The following CFAP47 variants were observed in gnomAD, a reference collection of about 807,000 sequenced individuals.
The protein encoded by CFAP47 is cilia- and flagella-associated protein 47.
Under a neutral mutation model 148.1 loss-of-function variants are expected in CFAP47, and 29 were observed. That is an observed-to-expected ratio of 0.20 (90% CI 0.15 to 0.27). CFAP47 has a LOEUF of 0.27. Among genes scored for constraint, CFAP47 ranks in the 10% least tolerant of loss-of-function variants. The probability of loss-of-function intolerance (pLI) is 1.00; values close to 1 mark genes in which losing one functional copy is unlikely to be tolerated. For missense variants in CFAP47, 1,872 were observed against 1,697.5 expected, an observed-to-expected ratio of 1.10 and a Z score of -1.81; for synonymous variants, 664 against 577.3, an observed-to-expected ratio of 1.15 and a Z score of -2.15.
At chrX:36,120,753 A>T (rs867418735) in intron 33 of CFAP47, among the ~76,000 whole-genome samples, 7 of 105,936 alleles carry the variant, frequency 6.6e-5, no homozygotes, top group Non-Finnish European at 1.3e-4. Context: ...TTTTTTTTTT[A>T]AAGTTTGAAG....
At chrX:36,218,724 T>G (rs1478001707) in intron 45 of CFAP47, among the ~76,000 whole-genome samples, 1 of 111,632 alleles carries the variant, frequency 9.0e-6, no homozygotes, top group African/African-American at 3.3e-5. Flanking sequence ...CGAGTTACAG[T>G]TTGGTTTTAT....
intron 39 of CFAP47, among the ~76,000 whole-genome samples, chrX:36,171,274 T>G (rs1471585372): frequency 2.1e-4 from 23 of 109,105 alleles, no homozygotes; most frequent in Admixed American, 3.9e-4. Flanking sequence ...GGTAGTTTCT[T>G]TTGCTGTGCA....
chrX:36,383,029 A>G (rs1335269978), intron 63 of CFAP47, among the ~76,000 whole-genome samples: 1 of 111,316 alleles, frequency 9.0e-6, no homozygotes, highest in African/African-American at 3.3e-5. Flanking sequence ...TAAAACAACT[A>G]TAATGTTCAA....
intron 39 of CFAP47, among the ~76,000 whole-genome samples, chrX:36,176,221 A>G (rs901249707): frequency 6.3e-5 from 7 of 110,245 alleles, no homozygotes; most frequent in Non-Finnish European, 1.3e-4. Flanking sequence ...AGTGAGATGA[A>G]CCCCGTACCT....
chrX:35,953,336 C>T (rs1275606459), intron 6 of CFAP47, among the ~76,000 whole-genome samples: 1 of 111,770 alleles, frequency 8.9e-6, no homozygotes, highest in African/African-American at 3.2e-5. Flanking sequence ...ACCTTGATGA[C>T]TTGGTATATT....
At chrX:36,022,505 A>G (rs987795098) in intron 22 of CFAP47, among the ~76,000 whole-genome samples, 2 of 110,535 alleles carry the variant, frequency 1.8e-5, no homozygotes, top group Non-Finnish European at 3.8e-5. Context: ...GGATATCTAT[A>G]TATCTTTCTC....
rs1414709359 is a variant in CFAP47, at chrX:36,252,037, T to G, written c.7444+593T>G. ...GTGATAGAAGAGTAATAGCTAGTAC[T>G]GAGTGATTATGATTCATCAAAGGAA... On this transcript the variant is annotated intron_variant, in intron 49 of 63. Coordinates refer to ENST00000378653, the MANE Select transcript of CFAP47 (RefSeq NM_001304548.2). Among the ~76,000 whole-genome samples, 4 of 111,016 alleles carry G rather than the reference T, an allele frequency of 3.6e-5. No individual in the cohort carries two copies. The Admixed American group carries it at 3.9e-4, about 11-fold the overall frequency.
chrX:36,169,971 A>G (rs954847788), intron 39 of CFAP47, among the ~76,000 whole-genome samples: 3 of 111,947 alleles, frequency 2.7e-5, no homozygotes, highest in African/African-American at 9.7e-5. Flanking sequence ...AGTGCTCAGG[A>G]ATAAGATTTT....
At chrX:36,371,598 T>A (rs144233427) in intron 62 of CFAP47, among the ~76,000 whole-genome samples, 2,695 of 92,458 alleles carry the variant, frequency 0.029, 112 homozygotes, top group Middle Eastern at 0.052. Context: ...TATACATGTG[T>A]GTATATATGT....
chrX:36,288,164 A>G (rs782411136), intron 51 of CFAP47, among the ~76,000 whole-genome samples: 1 of 112,125 alleles, frequency 8.9e-6, no homozygotes, highest in East Asian at 2.8e-4. Flanking sequence ...AATAGGGTTC[A>G]TGTAAGAAAT....
rs1284545999 is a variant in CFAP47, at chrX:35,993,800, A to G, written c.3099+479A>G. 3.6e-5 allele frequency among the ~76,000 whole-genome samples: 4 copies of G among 111,305 alleles called. No homozygotes were observed. In the East Asian group the frequency reaches 1.1e-3, roughly 31 times the overall value. On this transcript the variant is annotated intron_variant, in intron 18 of 63. Transcript: ENST00000378653. ...CAGAGAAGAGGGTTGCTTTTTTCAA[A>G]GCATTAGTTAGGTAGATTAGGAAAA...
intron 23 of CFAP47, among the ~76,000 whole-genome samples, chrX:36,034,811 T>G (rs755895643): frequency 9.0e-6 from 1 of 111,068 alleles, no homozygotes; most frequent in Non-Finnish European, 1.9e-5. Context: ...TACTTTTTAT[T>G]GTAGAATGAT....
intron 57 of CFAP47, among the ~76,000 whole-genome samples, chrX:36,325,752 A>G (rs1219622300): frequency 9.0e-6 from 1 of 111,465 alleles, no homozygotes; most frequent in Non-Finnish European, 1.9e-5. Context: ...TTCCACATCA[A>G]TTCATCATTG....
At chrX:36,338,641 C>A (rs781887706) in intron 57 of CFAP47, among the ~76,000 whole-genome samples, 2 of 111,694 alleles carry the variant, frequency 1.8e-5, no homozygotes, top group East Asian at 2.8e-4. Flanking sequence ...TTCCTGCCCC[C>A]CTAACTTCCT....
intron 36 of CFAP47, among the ~76,000 whole-genome samples, 193 bp from the exon 37 acceptor site, chrX:36,148,901 ATGTGTGTGTGTGTG>A (rs60968920): frequency 3.3e-5 from 3 of 92,262 alleles, no homozygotes; most frequent in Non-Finnish European, 6.5e-5. Flanking sequence ...AACTGTATGT[ATGTGTGTGTGTGTG>A]TGTGTGTGTG....
At chrX:36,041,120 G>A (rs1937398754) in intron 25 of CFAP47, among the ~76,000 whole-genome samples, 1 of 111,061 alleles carries the variant, frequency 9.0e-6, no homozygotes, top group African/African-American at 3.3e-5. Context: ...TGTAGAAGGT[G>A]AGATAAAATT....
At chrX:36,175,481 T>C (rs1041224823) in intron 39 of CFAP47, among the ~76,000 whole-genome samples, 1 of 111,835 alleles carries the variant, frequency 8.9e-6, no homozygotes, top group African/African-American at 3.3e-5. Flanking sequence ...GTTTTTGGTG[T>C]GGATGTCCTT....
intron 61 of CFAP47, among the ~76,000 whole-genome samples, chrX:36,362,576 C>A (rs1941837732): frequency 9.3e-6 from 1 of 107,824 alleles, no homozygotes; most frequent in African/African-American, 3.6e-5. Flanking sequence ...TTATTCAATC[C>A]ACCATTGATG....
intron 45 of CFAP47, among the ~76,000 whole-genome samples, chrX:36,228,148 G>A (rs1169924621): frequency 9.0e-6 from 1 of 111,648 alleles, no homozygotes; most frequent in Non-Finnish European, 1.9e-5. Context: ...TAGAAATGTG[G>A]CTGACAGTAA....
Sources: gnomAD v4.1 joint callset for allele counts (sites outside exome capture counted in the v4.1 genomes callset) on GRCh38, gnomAD v4.1.1 for gene constraint, MANE v1.5 for transcripts, NCBI Gene and HGNC (gene_info 2026-07-23, HGNC 2026-07-21) for gene names.